The following ADD3 variants were observed in gnomAD, a reference collection of about 807,000 sequenced individuals.
ADD3 encodes adducin 3.
Under a neutral mutation model 80.2 loss-of-function variants are expected in ADD3, and 25 were observed. The ratio of observed to expected loss-of-function variants is 0.31; its 90% CI spans 0.23 to 0.44. The LOEUF (loss-of-function observed/expected upper bound fraction) is 0.44, where lower values mean the gene tolerates loss of function less well. Ranked by LOEUF, ADD3 falls within the 20% of genes least tolerant of loss-of-function variation. ADD3 has a pLI of 1.00. For missense variants in ADD3, 829 were observed against 847.5 expected, an observed-to-expected ratio of 0.98 and a Z score of 0.27; for synonymous variants, 284 against 289.6, an observed-to-expected ratio of 0.98 and a Z score of 0.20.
At chr10:110,056,121 A>G (rs1477825433) in intron 1 of ADD3, among the ~76,000 whole-genome samples, 2 of 152,180 alleles carry the variant, frequency 1.3e-5, no homozygotes, top group Non-Finnish European at 2.9e-5. Context: ...TTCCAGTGTT[A>G]ATGAGATAAC....
intron 1 of ADD3, among the ~76,000 whole-genome samples, chr10:110,083,192 A>C (rs756322920): frequency 6.6e-6 from 1 of 152,198 alleles, no homozygotes; most frequent in African/African-American, 2.4e-5. Flanking sequence ...GCTAAGATGG[A>C]GGAACTTAGG....
intron 1 of ADD3, among the ~76,000 whole-genome samples, chr10:109,999,917 T>TTG (rs1235311904): frequency 2.7e-5 from 4 of 149,218 alleles, no homozygotes; most frequent in African/African-American, 5.1e-5. Flanking sequence ...TGTCTTAAGG[T>TTG]TGTTTTTTTT....
rs978931675 is a variant in ADD3, at chr10:110,092,527, A to G, written c.-29-8098A>G. On this transcript the variant is annotated intron_variant, in intron 1 of 14. Coordinates refer to ENST00000356080, the MANE Select transcript of ADD3 (RefSeq NM_016824.5). Reference sequence around the variant, plus strand: ...AATGGTAACTAAACATTGAATACACATGGACACAAAGGTGGGAACAATAGA... The same window carrying G: ...AATGGTAACTAAACATTGAATACACGTGGACACAAAGGTGGGAACAATAGA... Among the ~76,000 whole-genome samples the G allele has an allele frequency of 1.2e-4, 18 of 152,150 alleles. No homozygotes were observed. In the East Asian group the frequency reaches 3.5e-3, roughly 29 times the overall value.
intron 2 of ADD3, among the ~76,000 whole-genome samples, chr10:110,109,224 A>ATT (rs779042066): frequency 1.4e-5 from 2 of 147,944 alleles, no homozygotes; most frequent in Non-Finnish European, 3.0e-5. Flanking sequence ...TACCTGGTTG[A>ATT]TTTTTTTTTT....
intron 1 of ADD3, among the ~76,000 whole-genome samples, chr10:110,015,844 G>A (rs1043089839): frequency 6.6e-6 from 1 of 152,186 alleles, no homozygotes; most frequent in African/African-American, 2.4e-5. Flanking sequence ...CGATAGACAA[G>A]GGTCCGGTCA....
chr10:110,055,260 A>G (rs1178342182), intron 1 of ADD3, among the ~76,000 whole-genome samples: 1 of 152,196 alleles, frequency 6.6e-6, no homozygotes, highest in Non-Finnish European at 1.5e-5. Flanking sequence ...ATGGTATTGC[A>G]TGACCATAGA....
chr10:110,103,572 C>CT (rs1849079603), intron 2 of ADD3, among the ~76,000 whole-genome samples: 1 of 152,218 alleles, frequency 6.6e-6, no homozygotes. Context: ...TTGAACTAAT[C>CT]TCAGACATCA....
At chr10:110,053,598 A>C (rs888033587) in intron 1 of ADD3, among the ~76,000 whole-genome samples, 1 of 152,030 alleles carries the variant, frequency 6.6e-6, no homozygotes. Flanking sequence ...GCTTTTGTTC[A>C]TTTTTTTAAC....
chr10:110,045,363 A>G (rs549201315), intron 1 of ADD3, among the ~76,000 whole-genome samples: 25 of 152,324 alleles, frequency 1.6e-4, no homozygotes, highest in African/African-American at 5.3e-4. Flanking sequence ...CAAAAAAAAA[A>G]AGAGAAAGTA....
At chr10:109,997,076 A>G (rs1851394869) in intron 1 of ADD3, among the ~76,000 whole-genome samples, 1 of 152,238 alleles carries the variant, frequency 6.6e-6, no homozygotes, top group South Asian at 2.1e-4. Context: ...TTGGAAGAAT[A>G]AGGCACAGAG....
chr10:110,053,135 T>C (rs1352179255), intron 1 of ADD3, among the ~76,000 whole-genome samples: 1 of 152,116 alleles, frequency 6.6e-6, no homozygotes, highest in Non-Finnish European at 1.5e-5. Flanking sequence ...GCTGAGAGCA[T>C]AAGATCATAG....
At chr10:110,055,251 T>C (rs574070311) in intron 1 of ADD3, among the ~76,000 whole-genome samples, 1 of 152,348 alleles carries the variant, frequency 6.6e-6, no homozygotes, top group South Asian at 2.1e-4. Context: ...TTCTGAATTA[T>C]GGTATTGCAT....
rs1851596164 is a variant in ADD3, at chr10:110,122,220, T to C, written c.1071T>C (p.Asn357=). 1.2e-6 allele frequency: 2 copies of C among 1,614,142 alleles called. No homozygotes were observed. The highest frequency in any genetic ancestry group is 1.7e-6 in the Non-Finnish European group (2 of 1,180,006). The change falls in exon 9 of 15, where the codon AAT becomes AAC. Residue 357 remains asparagine, a synonymous_variant. Coordinates refer to ENST00000356080, the MANE Select transcript of ADD3 (RefSeq NM_016824.5). ...TVAASGGGGV[N]MGSHQKWKVG... is the part of the protein sequence containing the mutation. ...CAGCGTCTGGTGGAGGAGGTGTGAA[T>C]ATGGGTTCCCATCAAAAATGGAAGG...
At chr10:110,125,127 A>G (rs181256751) in intron 10 of ADD3, among the ~76,000 whole-genome samples, 1 of 152,234 alleles carries the variant, frequency 6.6e-6, no homozygotes. Flanking sequence ...TCTGTAGTCT[A>G]TAAGATTTCT....
chr10:110,119,469 C>G lies in ADD3; in HGVS notation c.865C>G (p.Leu289Val), dbSNP rs898391855. Residue 289 changes from leucine (L) to valine (V), a missense_variant, in exon 8 of 15, where the codon CTG becomes GTG. Physicochemically the swap from Leu to Val is conservative, Grantham distance 32. Coordinates refer to ENST00000356080, the MANE Select transcript of ADD3 (RefSeq NM_016824.5). The stretch of plus-strand genomic sequence containing the variant: ...TGCTGTGGGCATTCTATTTTAGGTG[C>G]TGGTACTCAGGAATCATGGTGTGGT... ...QKVLGPSCKV[L>V]VLRNHGVVAL... The G allele has an allele frequency of 1.2e-6, 2 of 1,613,964 alleles. No homozygotes were observed. Among genetic ancestry groups the G allele is most frequent in the Admixed American group, 1.7e-5 (1 of 60,000 alleles).
intron 1 of ADD3, among the ~76,000 whole-genome samples, chr10:110,010,885 CAT>C (rs1029889293): frequency 1.4e-4 from 21 of 152,184 alleles, no homozygotes; most frequent in African/African-American, 5.1e-4. Flanking sequence ...ATCAGGTGCA[CAT>C]GTCTTGTTTA....
intron 1 of ADD3, among the ~76,000 whole-genome samples, chr10:110,066,070 C>G (rs1231467579): frequency 2.0e-5 from 3 of 152,006 alleles, no homozygotes; most frequent in African/African-American, 4.8e-5. Flanking sequence ...ATTTAAGGGT[C>G]TTGAAACATG....
At chr10:110,069,625 G>C (rs1410987874) in intron 1 of ADD3, among the ~76,000 whole-genome samples, 1 of 151,878 alleles carries the variant, frequency 6.6e-6, no homozygotes, top group African/African-American at 2.4e-5. Flanking sequence ...TGAGCTCATA[G>C]GGTGTAGTAT....
intron 1 of ADD3, among the ~76,000 whole-genome samples, chr10:110,062,571 C>A (rs1329482612): frequency 6.6e-6 from 1 of 152,106 alleles, no homozygotes; most frequent in Non-Finnish European, 1.5e-5. Flanking sequence ...CAGAGCAAGA[C>A]CCTGTCTCAA....
Sources: allele counts gnomAD v4.1 joint callset (sites outside exome capture counted in the v4.1 genomes callset), GRCh38; gene constraint gnomAD v4.1.1; transcripts MANE v1.5; gene names NCBI Gene and HGNC (gene_info 2026-07-23, HGNC 2026-07-21).